The following NPAS3 variants were observed in gnomAD, a reference collection of about 807,000 sequenced individuals.
NPAS3 encodes the protein neuronal PAS domain-containing protein 3.
In NPAS3, 14 loss-of-function variants were observed where a neutral mutation model predicts 73.1. That is an observed-to-expected ratio of 0.19 (90% CI 0.13 to 0.30). The LOEUF (loss-of-function observed/expected upper bound fraction) is 0.30. Among genes scored for constraint, NPAS3 ranks in the 10% least tolerant of loss-of-function variants. NPAS3 has a pLI of 1.00. For synonymous variants in NPAS3, 620 were observed against 541.5 expected (o/e 1.14, Z -2.01); for missense variants, 1,096 against 1,250.0 (o/e 0.88, Z 1.86).
intron 4 of NPAS3, among the ~76,000 whole-genome samples, chr14:33,449,758 T>C (rs1426257886): frequency 6.6e-6 from 1 of 152,182 alleles, no homozygotes; most frequent in South Asian, 2.1e-4. Context: ...CCCTCTTTTA[T>C]TCCCCCCCAG....
intron 1 of NPAS3, among the ~76,000 whole-genome samples, chr14:33,053,213 C>A (rs1337490318): frequency 2.0e-5 from 3 of 152,154 alleles, no homozygotes; most frequent in Non-Finnish European, 4.4e-5. Context: ...GGTGGAAAAT[C>A]CATTCTCATG....
chr14:33,626,010 T>A (rs2140114225), intron 5 of NPAS3, among the ~76,000 whole-genome samples: 1 of 152,284 alleles, frequency 6.6e-6, no homozygotes, highest in East Asian at 1.9e-4. Flanking sequence ...CAAAGAGAAA[T>A]TAACTGGCCA....
At chr14:33,689,095 C>A (rs144153266) in intron 6 of NPAS3, among the ~76,000 whole-genome samples, 1 of 152,160 alleles carries the variant, frequency 6.6e-6, no homozygotes, top group East Asian at 1.9e-4. Flanking sequence ...GGTACAAATA[C>A]GTAGTACGTA....
intron 5 of NPAS3, among the ~76,000 whole-genome samples, chr14:33,639,714 A>G (rs554536782): frequency 2.0e-5 from 3 of 152,196 alleles, no homozygotes; most frequent in Non-Finnish European, 4.4e-5. Flanking sequence ...TTTCATGTTC[A>G]TATTTATTCT....
At chr14:33,169,896 G>T (rs2045322872) in intron 2 of NPAS3, among the ~76,000 whole-genome samples, 1 of 152,142 alleles carries the variant, frequency 6.6e-6, no homozygotes, top group Admixed American at 6.5e-5. Flanking sequence ...ATTCTCGAAA[G>T]GTCACAGCAG....
chr14:33,542,370 C>T (rs769446404), intron 4 of NPAS3, among the ~76,000 whole-genome samples: 99 of 152,136 alleles, frequency 6.5e-4, no homozygotes, highest in Non-Finnish European at 1.0e-3. Context: ...CCTTTCCCAC[C>T]CCAGTTATCC....
intron 6 of NPAS3, among the ~76,000 whole-genome samples, chr14:33,709,660 C>T (rs113900588): frequency 0.017 from 2,534 of 152,258 alleles, 57 homozygotes; most frequent in African/African-American, 0.058. Context: ...TGGGAGTCCA[C>T]ATATCACCAT....
intron 4 of NPAS3, among the ~76,000 whole-genome samples, chr14:33,461,573 A>G (rs1359555525): frequency 6.6e-6 from 1 of 152,344 alleles, no homozygotes; most frequent in Admixed American, 6.5e-5. Context: ...GCATGAGGGA[A>G]GATTTCATGA....
exon 11 of NPAS3, chr14:33,797,494 C>A: frequency 6.2e-7 from 1 of 1,614,204 alleles, no homozygotes; most frequent in Non-Finnish European, 8.5e-7. Context: ...GGACATCGCA[C>A]AGCTCCCCCA....
intron 4 of NPAS3, among the ~76,000 whole-genome samples, chr14:33,535,220 G>A (rs936905998): frequency 1.3e-5 from 2 of 152,082 alleles, no homozygotes; most frequent in Admixed American, 1.3e-4. Flanking sequence ...TCTGGATGGG[G>A]ACCTCACAGT....
At chr14:32,968,858 T>A (rs2037303275) in intron 1 of NPAS3, among the ~76,000 whole-genome samples, 1 of 151,676 alleles carries the variant, frequency 6.6e-6, no homozygotes, top group Non-Finnish European at 1.5e-5. Context: ...TGCGCCATGG[T>A]GGTTTGCTGC....
chr14:33,553,218 G>A (rs1038400940), intron 4 of NPAS3, among the ~76,000 whole-genome samples: 3 of 152,188 alleles, frequency 2.0e-5, no homozygotes, highest in African/African-American at 7.2e-5. Flanking sequence ...GAAAAAGTCA[G>A]CACTTTGATA....
At chr14:33,025,452 A>G (rs929934004) in intron 1 of NPAS3, among the ~76,000 whole-genome samples, 1 of 152,188 alleles carries the variant, frequency 6.6e-6, no homozygotes, top group Admixed American at 6.5e-5. Context: ...TCATAGATAT[A>G]GTTCAGGTGT....
chr14:33,242,940 C>T (rs1468286267), intron 3 of NPAS3, among the ~76,000 whole-genome samples: 1 of 152,022 alleles, frequency 6.6e-6, no homozygotes, highest in Non-Finnish European at 1.5e-5. Flanking sequence ...TTAAAGTCTG[C>T]CCTCTCTACA....
rs918754612 is a variant in NPAS3, at chr14:32,949,734, TAAAAAGA to T, written c.50+10382_50+10388del. Among the ~76,000 whole-genome samples, 70 of 152,068 alleles carry T rather than the reference TAAAAAGA, an allele frequency of 4.6e-4. 1 individual carries two copies. Among genetic ancestry groups the T allele is most frequent in the Admixed American group, 1.6e-3 (24 of 15,254 alleles). On this transcript the variant is annotated intron_variant, in intron 1 of 11. Coordinates refer to ENST00000356141, the Ensembl canonical transcript of NPAS3. ...ATAAATGGAAACCATTTTTTTCTGT[TAAAAAGA>T]AAAAAGAAAAAAGGAAAAAGTCCAG... is the stretch of plus-strand genomic sequence containing the variant.
At chr14:33,132,140 G>A (rs2043661466) in intron 2 of NPAS3, among the ~76,000 whole-genome samples, 1 of 152,130 alleles carries the variant, frequency 6.6e-6, no homozygotes, top group Non-Finnish European at 1.5e-5. Flanking sequence ...AGATATGGAG[G>A]TTACCTTGGT....
chr14:33,750,995 G>A (rs1483029434), intron 7 of NPAS3, among the ~76,000 whole-genome samples: 1 of 152,076 alleles, frequency 6.6e-6, no homozygotes, highest in African/African-American at 2.4e-5. Flanking sequence ...CTAAACAGAG[G>A]GAATGGTATC....
chr14:33,669,616 G>A (rs2059554061), intron 5 of NPAS3, among the ~76,000 whole-genome samples: 1 of 152,138 alleles, frequency 6.6e-6, no homozygotes, highest in Admixed American at 6.5e-5. Context: ...CAACAAAAAT[G>A]GGGGAGATCT....
chr14:33,386,025 C>T (rs374096962), intron 4 of NPAS3, among the ~76,000 whole-genome samples: 6 of 151,080 alleles, frequency 4.0e-5, no homozygotes, highest in East Asian at 1.9e-4. Context: ...GGAATGTATA[C>T]GTACAGATAA....
Sources: allele counts gnomAD v4.1 joint callset (sites outside exome capture counted in the v4.1 genomes callset), GRCh38; gene constraint gnomAD v4.1.1; transcripts MANE v1.5; gene names NCBI Gene and HGNC (gene_info 2026-07-23, HGNC 2026-07-21).